The following JADE1 variants were observed in gnomAD, a reference collection of about 807,000 sequenced individuals.
JADE1 encodes the protein protein Jade-1.
JADE1 carries 14 observed loss-of-function variants against 81.8 expected under a neutral mutation model. The ratio of observed to expected loss-of-function variants is 0.17; its 90% confidence interval spans 0.11 to 0.27. The LOEUF (loss-of-function observed/expected upper bound fraction) is 0.27. Ranked by LOEUF, JADE1 falls within the 10% of genes least tolerant of loss-of-function variation. The probability of loss-of-function intolerance (pLI) is 1.00; values close to 1 mark genes in which losing one functional copy is unlikely to be tolerated. For synonymous variants in JADE1, 353 were observed against 391.9 expected, an observed-to-expected ratio of 0.90 and a Z score of 1.17; for missense variants, 690 against 1,047.9, an observed-to-expected ratio of 0.66 and a Z score of 4.71.
intron 9 of JADE1, among the ~76,000 whole-genome samples, chr4:128,867,612 C>G (rs1731876448): frequency 6.6e-6 from 1 of 152,238 alleles, no homozygotes; most frequent in African/African-American, 2.4e-5. Flanking sequence ...GTCCCTCCCA[C>G]TCCTGTGGGT....
chr4:128,855,713 G>A lies in JADE1; in HGVS notation c.780G>A (p.Leu260=). 2 of 1,614,210 alleles carry A rather than the reference G, an allele frequency of 1.2e-6. No individual in the cohort carries two copies. The highest frequency in any genetic ancestry group is 1.1e-5 in the South Asian group (1 of 91,086). ...TGGGGGTTCAGCCAAAATGTCTGCTGTGTCCGAAGAAGGGTGGAGCTATGA... is the reference window on the plus strand; with the variant it reads ...TGGGGGTTCAGCCAAAATGTCTGCTATGTCCGAAGAAGGGTGGAGCTATGA... ...CALGVQPKCL[L]CPKKGGAMKP... is the part of the protein sequence containing the mutation. Residue 260 remains leucine, a synonymous_variant, in exon 7 of 11, where the codon CTG becomes CTA. Transcript: ENST00000226319.
At chr4:128,834,555 A>G (rs1285615362) in intron 2 of JADE1, among the ~76,000 whole-genome samples, 1 of 108,582 alleles carries the variant, frequency 9.2e-6, no homozygotes, top group African/African-American at 3.6e-5. Flanking sequence ...TTTTTTTGAG[A>G]TGGAGTCTTT....
At chr4:128,834,824 C>T (rs1306620538) in intron 2 of JADE1, among the ~76,000 whole-genome samples, 3 of 151,878 alleles carry the variant, frequency 2.0e-5, no homozygotes, top group Admixed American at 6.5e-5. Context: ...CGTGAGCCAC[C>T]ACGCCTGGCC....
chr4:128,816,168 C>G (rs767755637), intron 1 of JADE1, among the ~76,000 whole-genome samples: 2 of 152,064 alleles, frequency 1.3e-5, no homozygotes, highest in Non-Finnish European at 2.9e-5. Context: ...GTTTTCAAGT[C>G]CTTGCAGCAC....
chr4:128,831,564 G>A (rs1021077393), intron 1 of JADE1, 169 bp from the exon 2 acceptor site: 1 of 584,574 alleles, frequency 1.7e-6, no homozygotes, highest in African/African-American at 1.9e-5. Context: ...GTTTGTTAAT[G>A]ATTGCACCTA....
In JADE1 at chr4:128,873,419, A is replaced by C. The variant is rs1474003781; in HGVS notation, c.*1157A>C. On this transcript the variant is annotated 3_prime_UTR_variant, in exon 11 of 11. Transcript: ENST00000226319. ...GGAAAGAGACTGAAGTGTACCCTTG[A>C]ATAGGTTTTCTGTAGTCAGAGTTCT... 1 of 152,626 alleles carries C rather than the reference A, an allele frequency of 6.6e-6. No individual in the cohort carries two copies. Among genetic ancestry groups the C allele is most frequent in the Non-Finnish European group, 1.5e-5 (1 of 68,040 alleles). 9.5% of individuals were successfully genotyped at this position (152,626 alleles called of 1,614,324 possible). A position where few individuals can be genotyped will look rare whatever the true frequency, so the allele number is the denominator to read the frequency against.
intron 4 of JADE1, 49 bp from the exon 5 acceptor site, chr4:128,848,931 G>A (rs759990054): frequency 6.3e-7 from 1 of 1,592,364 alleles, no homozygotes; most frequent in South Asian, 1.1e-5. Flanking sequence ...ACACTTCATT[G>A]TCTGTGGCTG....
intron 7 of JADE1, among the ~76,000 whole-genome samples, chr4:128,857,015 T>C (rs1363520107): frequency 6.6e-6 from 1 of 152,228 alleles, no homozygotes. Flanking sequence ...TCTTCACCAA[T>C]TTGTTATGAG....
At chr4:128,833,523 T>G (rs1458946619) in intron 2 of JADE1, among the ~76,000 whole-genome samples, 1 of 152,232 alleles carries the variant, frequency 6.6e-6, no homozygotes, top group East Asian at 1.9e-4. Flanking sequence ...GCCAACATGG[T>G]GAAACCCCAT....
intron 8 of JADE1, among the ~76,000 whole-genome samples, chr4:128,861,203 A>T (rs969939929): frequency 6.6e-6 from 1 of 152,208 alleles, no homozygotes; most frequent in Non-Finnish European, 1.5e-5. Context: ...TGGACTTTGC[A>T]TATTGAGTAC....
intron 1 of JADE1, among the ~76,000 whole-genome samples, chr4:128,822,368 C>CA (rs1281977426): frequency 2.0e-5 from 3 of 150,916 alleles, no homozygotes; most frequent in Admixed American, 6.6e-5. Context: ...CTCTGTCTCT[C>CA]AAAAAAAAGT....
intron 1 of JADE1, among the ~76,000 whole-genome samples, chr4:128,825,469 G>A (rs1447166651): frequency 1.3e-5 from 2 of 152,182 alleles, no homozygotes; most frequent in Non-Finnish European, 2.9e-5. Context: ...AGCCACCCTA[G>A]GGATGGGTTC....
At chr4:128,821,969 G>A (rs1225589827) in intron 1 of JADE1, among the ~76,000 whole-genome samples, 2 of 152,146 alleles carry the variant, frequency 1.3e-5, no homozygotes, top group African/African-American at 4.8e-5. Context: ...ACCTAATCAA[G>A]CAAATAGGGG....
intron 7 of JADE1, 79 bp downstream of exon 7, chr4:128,855,876 T>G: frequency 7.6e-7 from 1 of 1,309,172 alleles, no homozygotes; most frequent in Non-Finnish European, 1.0e-6. Flanking sequence ...TGGAGTGCAG[T>G]GAGCTGGATC....
rs758564853 is a variant in JADE1, at chr4:128,846,771, G to A, written c.296+239G>A. Reference sequence around the variant, plus strand: ...ACATTACAGCCACCACTGTGGGGAGGTGCTGCTTTCTTATGAGAGGAAGGC... The same window carrying A: ...ACATTACAGCCACCACTGTGGGGAGATGCTGCTTTCTTATGAGAGGAAGGC... On this transcript the variant is annotated intron_variant, in intron 4 of 10. Transcript: ENST00000226319. The surrounding 1 kb of genome is among the most constrained non-coding windows in gnomAD (Gnocchi z 4.0). Among the ~76,000 whole-genome samples, 1 of 152,214 alleles carries A rather than the reference G, an allele frequency of 6.6e-6. No individual in the cohort carries two copies. The highest frequency in any genetic ancestry group is 1.5e-5 in the Non-Finnish European group (1 of 68,040).
rs891265614 is a variant in JADE1, at chr4:128,872,937, C to T, written c.*675C>T. On this transcript the variant is annotated 3_prime_UTR_variant, in exon 11 of 11. Coordinates refer to ENST00000226319, the MANE Select transcript of JADE1 (RefSeq NM_199320.4). The stretch of plus-strand genomic sequence containing the variant: ...ATGGCAAGGTCCTGCTGCTTGAAGC[C>T]TGTGAGTGGGTTGTGGATATGGGAC... 1.5e-5 allele frequency: 7 copies of T among 455,620 alleles called. No homozygotes were observed. Among genetic ancestry groups the T allele is most frequent in the Admixed American group, 7.1e-5 (3 of 42,524 alleles). 28.2% of individuals were successfully genotyped at this position (455,620 alleles called of 1,614,324 possible).
chr4:128,863,933 TACTA>T, intron 9 of JADE1: 1 of 985,394 alleles, frequency 1.0e-6, no homozygotes, highest in Non-Finnish European at 1.2e-6. Flanking sequence ...GCTTGTGGTG[TACTA>T]ACTCTTTTCT....
At chr4:128,827,798 C>A in intron 1 of JADE1, 1 of 876,738 alleles carries the variant, frequency 1.1e-6, no homozygotes, top group Non-Finnish European at 1.4e-6. Flanking sequence ...ATGGGGACTT[C>A]AGAGAGTCAT....
chr4:128,836,275 AC>A (rs2125836202), intron 2 of JADE1, among the ~76,000 whole-genome samples: 1 of 152,308 alleles, frequency 6.6e-6, no homozygotes, highest in East Asian at 1.9e-4. Context: ...CCTACTGTTA[AC>A]CGGAAGCCTT....
Sources: allele counts gnomAD v4.1 joint callset (sites outside exome capture counted in the v4.1 genomes callset), GRCh38; gene constraint gnomAD v4.1.1; non-coding constraint Gnocchi (gnomAD v3.1); transcripts MANE v1.5; gene names NCBI Gene and HGNC (gene_info 2026-07-23, HGNC 2026-07-21).